Variants in GLRA3 observed in about 807,000 individuals in gnomAD.
GLRA3 encodes glycine receptor subunit alpha-3.
GLRA3 carries 44 observed loss-of-function variants against 60.4 expected under a neutral mutation model. That is an observed-to-expected ratio of 0.73 (90% CI 0.57 to 0.94). The LOEUF is 0.94. Among genes scored for constraint, GLRA3 ranks in the 40% least tolerant of loss-of-function variants. The probability of loss-of-function intolerance (pLI) is 0.00; values close to 1 mark genes in which losing one functional copy is unlikely to be tolerated. For missense variants in GLRA3, 508 were observed against 564.6 expected (o/e 0.90, Z 1.02); for synonymous variants, 223 against 192.9 (o/e 1.16, Z -1.29).
intron 2 of GLRA3, among the ~76,000 whole-genome samples, chr4:174,770,354 G>A (rs1738331403): frequency 6.6e-6 from 1 of 151,964 alleles, no homozygotes; most frequent in African/African-American, 2.4e-5. Flanking sequence ...TAATGTGCAA[G>A]AATGCTTGGA....
At chr4:174,670,303 C>T (rs1733856644) in intron 7 of GLRA3, among the ~76,000 whole-genome samples, 1 of 152,146 alleles carries the variant, frequency 6.6e-6, no homozygotes, top group Non-Finnish European at 1.5e-5. Context: ...ATATAAGTTC[C>T]TATTCCCTTT....
chr4:174,789,280 C>A (rs865806756), intron 1 of GLRA3, among the ~76,000 whole-genome samples: 2 of 152,248 alleles, frequency 1.3e-5, no homozygotes, highest in Middle Eastern at 3.4e-3. Context: ...ATCCTTATTG[C>A]TTTAGGTGTA....
At chr4:174,688,241 A>C (rs896108840) in intron 5 of GLRA3, among the ~76,000 whole-genome samples, 4 of 148,350 alleles carry the variant, frequency 2.7e-5, no homozygotes, top group Admixed American at 1.4e-4. Context: ...CCATCTAATA[A>C]AACACCTTTC....
At chr4:174,721,533 ATATT>A (rs1736128594) in intron 4 of GLRA3, among the ~76,000 whole-genome samples, 1 of 151,536 alleles carries the variant, frequency 6.6e-6, no homozygotes, top group Admixed American at 6.6e-5. Context: ...AATTTTAAAT[ATATT>A]TAAGAATGAG....
chr4:174,798,107 G>A (rs887890700), intron 1 of GLRA3, among the ~76,000 whole-genome samples: 2 of 152,262 alleles, frequency 1.3e-5, no homozygotes, highest in African/African-American at 4.8e-5. Flanking sequence ...CATAACGTGG[G>A]TTTGAGACAG....
intron 1 of GLRA3, among the ~76,000 whole-genome samples, chr4:174,793,258 G>A (rs1256749212): frequency 6.6e-6 from 1 of 151,588 alleles, no homozygotes; most frequent in Non-Finnish European, 1.5e-5. Context: ...CTATATCTTT[G>A]CTTTAAATAA....
chr4:174,688,621 G>A (rs1014482548), intron 5 of GLRA3, among the ~76,000 whole-genome samples: 3 of 121,354 alleles, frequency 2.5e-5, no homozygotes, highest in African/African-American at 6.5e-5. Flanking sequence ...TGTGTGTGAC[G>A]TTATTTTGGG....
intron 3 of GLRA3, among the ~76,000 whole-genome samples, chr4:174,745,404 T>C (rs1737203947): frequency 6.6e-6 from 1 of 152,118 alleles, no homozygotes; most frequent in Non-Finnish European, 1.5e-5. Context: ...GAAAAGCATC[T>C]AGTCACCCCT....
At chr4:174,785,402 T>A (rs1035619526) in intron 2 of GLRA3, among the ~76,000 whole-genome samples, 4 of 152,128 alleles carry the variant, frequency 2.6e-5, no homozygotes, top group African/African-American at 9.7e-5. Context: ...ATACTATTAC[T>A]CCAGAAATAA....
intron 9 of GLRA3, among the ~76,000 whole-genome samples, chr4:174,644,408 T>A (rs1732735696): frequency 4.8e-5 from 2 of 41,826 alleles, no homozygotes; most frequent in African/African-American, 1.3e-4. Flanking sequence ...AAACTAGATT[T>A]TTTTTTTTGC....
intron 3 of GLRA3, among the ~76,000 whole-genome samples, chr4:174,745,815 T>C (rs1473693015): frequency 6.6e-6 from 1 of 150,602 alleles, no homozygotes; most frequent in Non-Finnish European, 1.5e-5. Context: ...TTCCAAATAA[T>C]CCCATTAAAA....
At chr4:174,666,976 A>C (rs1398958938) in intron 7 of GLRA3, among the ~76,000 whole-genome samples, 1 of 151,730 alleles carries the variant, frequency 6.6e-6, no homozygotes, top group African/African-American at 2.4e-5. Context: ...CAACCACAAA[A>C]TTTCACTGGC....
At chr4:174,741,758 T>A (rs1737035635) in intron 3 of GLRA3, among the ~76,000 whole-genome samples, 1 of 152,180 alleles carries the variant, frequency 6.6e-6, no homozygotes, top group South Asian at 2.1e-4. Flanking sequence ...TACGAGTTAA[T>A]TTTTGTATGA....
intron 1 of GLRA3, among the ~76,000 whole-genome samples, chr4:174,810,586 CTT>C (rs1167839083): frequency 6.6e-6 from 1 of 152,026 alleles, no homozygotes. Context: ...CCAAGGGAAA[CTT>C]TTCATTTATC....
intron 3 of GLRA3, among the ~76,000 whole-genome samples, chr4:174,748,141 T>C (rs2111188376): frequency 6.6e-6 from 1 of 152,018 alleles, no homozygotes; most frequent in East Asian, 1.9e-4. Flanking sequence ...ATTCAAGAAA[T>C]AGAAAGAAGA....
chr4:174,717,590 C>G (rs1285648434), intron 4 of GLRA3, among the ~76,000 whole-genome samples: 3 of 152,126 alleles, frequency 2.0e-5, no homozygotes, highest in Non-Finnish European at 4.4e-5. Context: ...GACAGTGAAG[C>G]TGCTGAATTT....
intron 7 of GLRA3, among the ~76,000 whole-genome samples, chr4:174,666,760 TA>T (rs1554010185): frequency 2.1e-4 from 15 of 71,564 alleles, no homozygotes; most frequent in African/African-American, 2.2e-4. Context: ...ATATATATAT[TA>T]TATATATATA....
chr4:174,697,116 G>A (rs547742069), intron 5 of GLRA3, among the ~76,000 whole-genome samples: 118 of 152,198 alleles, frequency 7.8e-4, no homozygotes, highest in African/African-American at 2.6e-3. Context: ...TTTACACAAC[G>A]GGTAAATATA....
intron 9 of GLRA3, among the ~76,000 whole-genome samples, chr4:174,645,691 T>C (rs1259373111): frequency 6.6e-6 from 1 of 152,118 alleles, no homozygotes; most frequent in Non-Finnish European, 1.5e-5. Flanking sequence ...GGACACAAGT[T>C]TGAAAGAAAA....
Sources: gnomAD v4.1 joint callset for allele counts (sites outside exome capture counted in the v4.1 genomes callset) on GRCh38, gnomAD v4.1.1 for gene constraint, MANE v1.5 for transcripts, NCBI Gene and HGNC (gene_info 2026-07-23, HGNC 2026-07-21) for gene names.